Variants in EIPR1 observed in about 807,000 individuals in gnomAD.
EIPR1 encodes the protein EARP complex and GARP complex interacting protein 1, also known as EARP and GARP complex-interacting protein 1.
In EIPR1, 25 loss-of-function variants were observed where a neutral mutation model predicts 48.1. The ratio of observed to expected loss-of-function variants is 0.52; its 90% CI spans 0.38 to 0.73. The LOEUF (loss-of-function observed/expected upper bound fraction) is 0.73. EIPR1 is among the 30% of genes least tolerant of loss of function. EIPR1 has a pLI of 0.00. For synonymous variants in EIPR1, 204 were observed against 201.9 expected, an observed-to-expected ratio of 1.01 and a Z score of -0.09; for missense variants, 415 against 506.2, an observed-to-expected ratio of 0.82 and a Z score of 1.73.
At chr2:3,370,268 T>C (rs1264562607) in intron 1 of EIPR1, among the ~76,000 whole-genome samples, 1 of 151,892 alleles carries the variant, frequency 6.6e-6, no homozygotes. Context: ...CAAAAGTAGA[T>C]AAAACCACAA....
chr2:3,355,846 A>G (rs1013785467), intron 1 of EIPR1, among the ~76,000 whole-genome samples: 41 of 124,418 alleles, frequency 3.3e-4, no homozygotes, highest in African/African-American at 9.7e-4. Context: ...TAAAATGAAT[A>G]AATAATTAAA....
intron 3 of EIPR1, among the ~76,000 whole-genome samples, chr2:3,294,971 A>G (rs1300532631): frequency 2.2e-4 from 9 of 40,952 alleles, no homozygotes; most frequent in African/African-American, 9.2e-4. Flanking sequence ...CCCTCCATCC[A>G]GCCCATCCTC....
chr2:3,208,653 G>T (rs1244249556), intron 5 of EIPR1: 1 of 1,550,570 alleles, frequency 6.4e-7, no homozygotes, highest in Non-Finnish European at 8.7e-7. Flanking sequence ...TTGGCATATG[G>T]CTGACTTCTT....
chr2:3,319,821 G>C (rs1168241352), intron 3 of EIPR1: 1 of 110,348 alleles, frequency 9.1e-6, no homozygotes, highest in African/African-American at 5.2e-5. Context: ...CACCGCACCT[G>C]CAGGCAGGGC....
chr2:3,327,949 G>A (rs980380608), intron 3 of EIPR1, among the ~76,000 whole-genome samples: 3 of 151,854 alleles, frequency 2.0e-5, no homozygotes, highest in Non-Finnish European at 4.4e-5. Context: ...ATCTTCTCGT[G>A]TTGCCCAGAC....
intron 3 of EIPR1, among the ~76,000 whole-genome samples, chr2:3,336,374 G>A (rs991410273): frequency 2.6e-5 from 4 of 152,124 alleles, no homozygotes; most frequent in South Asian, 2.1e-4. Flanking sequence ...CCAACCTCCC[G>A]CTGGCAGGAG....
chr2:3,316,696 C>T (rs1327887314), intron 3 of EIPR1, among the ~76,000 whole-genome samples: 1 of 152,108 alleles, frequency 6.6e-6, no homozygotes, highest in Non-Finnish European at 1.5e-5. Context: ...TACTTTTTTC[C>T]CCAAAGGGTT....
intron 1 of EIPR1, among the ~76,000 whole-genome samples, chr2:3,362,190 G>A (rs1391086557): frequency 6.6e-6 from 1 of 152,058 alleles, no homozygotes; most frequent in Non-Finnish European, 1.5e-5. Context: ...ACACGGGGAT[G>A]AGCCCCTCAC....
chr2:3,339,970 G>C (rs1055981683), intron 2 of EIPR1, among the ~76,000 whole-genome samples: 3 of 152,158 alleles, frequency 2.0e-5, no homozygotes, highest in Non-Finnish European at 4.4e-5. Context: ...AAAAAACTTT[G>C]AGTGGCATCT....
At chr2:3,320,219 A>T (rs1669482257) in intron 3 of EIPR1, 1 of 174,708 alleles carries the variant, frequency 5.7e-6, no homozygotes, top group Admixed American at 6.5e-5. Flanking sequence ...ACCTGGGGAT[A>T]ACACACCTGC....
At chr2:3,278,791 AGCAACCCCATAACTG>A (rs547213816) in intron 3 of EIPR1, among the ~76,000 whole-genome samples, 26 of 152,246 alleles carry the variant, frequency 1.7e-4, no homozygotes, top group Admixed American at 7.8e-4. Context: ...TGTCTGCCCC[AGCAACCCCATAACTG>A]GCAACCCCAT....
intron 3 of EIPR1, among the ~76,000 whole-genome samples, chr2:3,265,214 C>A (rs1667451401): frequency 1.1e-5 from 1 of 90,474 alleles, no homozygotes; most frequent in Admixed American, 1.1e-4. Context: ...CAGGAGGTGT[C>A]TCTGGCATCG....
chr2:3,268,947 G>A (rs918520655), intron 3 of EIPR1, among the ~76,000 whole-genome samples: 1 of 152,222 alleles, frequency 6.6e-6, no homozygotes, highest in African/African-American at 2.4e-5. Flanking sequence ...CACCCACAGT[G>A]TCAGGGGTGA....
At chr2:3,309,283 G>GTGACATACGTATA (rs1669048180) in intron 3 of EIPR1, among the ~76,000 whole-genome samples, 1 of 152,192 alleles carries the variant, frequency 6.6e-6, no homozygotes, top group Non-Finnish European at 1.5e-5. Context: ...ATAACTGTGG[G>GTGACATACGTATA]TTTGGTAAGT....
intron 3 of EIPR1, among the ~76,000 whole-genome samples, chr2:3,272,916 C>T (rs1189765657): frequency 6.6e-6 from 1 of 151,586 alleles, no homozygotes; most frequent in Non-Finnish European, 1.5e-5. Flanking sequence ...TTTCTTGACC[C>T]TGACTGACAA....
At chr2:3,281,618 C>T (rs887474834) in intron 3 of EIPR1, among the ~76,000 whole-genome samples, 45 of 152,102 alleles carry the variant, frequency 3.0e-4, no homozygotes, top group African/African-American at 1.0e-3. Flanking sequence ...GGAACGCGTG[C>T]CTGGAAGGGC....
intron 4 of EIPR1, among the ~76,000 whole-genome samples, chr2:3,217,699 C>T (rs771194951): frequency 1.1e-4 from 16 of 152,158 alleles, no homozygotes; most frequent in African/African-American, 2.9e-4. Context: ...ACCAGTACCA[C>T]GGGTCAAATC....
intron 2 of EIPR1, among the ~76,000 whole-genome samples, chr2:3,349,390 G>A (rs1237885263): frequency 1.3e-5 from 2 of 152,256 alleles, no homozygotes; most frequent in African/African-American, 4.8e-5. Context: ...GCCCTGGGAA[G>A]AGTGTGAGCG....
chr2:3,217,731 CA>C (rs1665685559), intron 4 of EIPR1, among the ~76,000 whole-genome samples: 1 of 152,094 alleles, frequency 6.6e-6, no homozygotes, highest in South Asian at 2.1e-4. Context: ...ATTCAGAAAC[CA>C]CGCATCACAA....
Sources: allele counts gnomAD v4.1 joint callset (sites outside exome capture counted in the v4.1 genomes callset), GRCh38; gene constraint gnomAD v4.1.1; transcripts MANE v1.5; gene names NCBI Gene and HGNC (gene_info 2026-07-23, HGNC 2026-07-21).